The following TSPAN10 variants were observed in gnomAD, a reference collection of about 807,000 sequenced individuals.
TSPAN10 encodes tetraspanin 10, also known as tetraspanin-10.
A neutral mutation model predicts 15.0 loss-of-function variants in TSPAN10; 11 were observed. The ratio of observed to expected loss-of-function variants is 0.73; its 90% CI spans 0.46 to 1.21. The LOEUF (loss-of-function observed/expected upper bound fraction) is 1.21. Among genes scored for constraint, TSPAN10 ranks in the 50% most tolerant of loss-of-function variants. The pLI is 0.00. For missense variants in TSPAN10, 486 were observed against 470.6 expected, an observed-to-expected ratio of 1.03 and a Z score of -0.30; for synonymous variants, 241 against 226.2, an observed-to-expected ratio of 1.07 and a Z score of -0.59.
intron 2 of TSPAN10, chr17:81,647,567 G>T (rs1404499115): frequency 3.4e-6 from 2 of 580,498 alleles, no homozygotes; most frequent in Non-Finnish European, 3.3e-6. Flanking sequence ...TTCTCAATGA[G>T]CTCAGCAGCC....
chr17:81,640,867 T>C (rs1001079004), upstream of TSPAN10, among the ~76,000 whole-genome samples: 1 of 152,104 alleles, frequency 6.6e-6, no homozygotes, highest in Admixed American at 6.6e-5. Flanking sequence ...GATGATCGTT[T>C]CATTAAAAGA....
chr17:81,647,984 C>T (rs769818672), exon 3 of TSPAN10: 4 of 1,611,380 alleles, frequency 2.5e-6, no homozygotes, highest in Non-Finnish European at 3.4e-6. Flanking sequence ...GATGGAGCCT[C>T]TGTCAACGAC....
chr17:81,645,435 C>A (rs768196633), exon 2 of TSPAN10: 6 of 1,602,218 alleles, frequency 3.7e-6, no homozygotes, highest in Non-Finnish European at 1.7e-6. Context: ...TCCTTGCCTT[C>A]CTGGTGCTTG....
intron 2 of TSPAN10, chr17:81,647,552 CT>C (rs764914853): frequency 1.8e-6 from 1 of 555,604 alleles, no homozygotes; most frequent in Non-Finnish European, 3.4e-6. Flanking sequence ...TGCTCCAACT[CT>C]ACCTTCTCAA....
chr17:81,643,610 C>CAAAA, intron 1 of TSPAN10, among the ~76,000 whole-genome samples: 1 of 15,132 alleles, frequency 6.6e-5, no homozygotes, highest in Non-Finnish European at 9.3e-5. Context: ...GACTCCGTCT[C>CAAAA]AAAAAAAAAA....
chr17:81,647,474 C>T (rs758631012), intron 2 of TSPAN10: 2 of 470,382 alleles, frequency 4.3e-6, no homozygotes, highest in South Asian at 1.5e-5. Context: ...CTCTCAAGCC[C>T]TTGCTCTTCC....
chr17:81,639,348 C>G (rs1319176157), upstream of TSPAN10, among the ~76,000 whole-genome samples: 3 of 151,602 alleles, frequency 2.0e-5, no homozygotes, highest in Non-Finnish European at 4.4e-5. Flanking sequence ...GCTGAGATTA[C>G]AAGCGTGCGC....
chr17:81,637,596 C>T (rs559868083), upstream of TSPAN10: 78 of 521,088 alleles, frequency 1.5e-4, no homozygotes, highest in Non-Finnish European at 2.4e-4. Context: ...GTCAAAAGTT[C>T]GAGACCAGCC....
chr17:81,642,213 A>T (rs1274614699), upstream of TSPAN10: 2 of 545,816 alleles, frequency 3.7e-6, no homozygotes, highest in Non-Finnish European at 6.6e-6. Context: ...TAAGCTCTAA[A>T]ATGTGATTCT....
intron 1 of TSPAN10, among the ~76,000 whole-genome samples, chr17:81,643,399 T>C (rs1374419767): frequency 4.1e-5 from 4 of 96,612 alleles, no homozygotes; most frequent in African/African-American, 4.8e-5. Flanking sequence ...ATCACGAGGT[T>C]AGGAGATCGA....
chr17:81,641,337 C>T (rs2036175708), upstream of TSPAN10, among the ~76,000 whole-genome samples: 1 of 152,036 alleles, frequency 6.6e-6, no homozygotes, highest in South Asian at 2.1e-4. Flanking sequence ...CAGCTCTGGT[C>T]CTCGCCCCGA....
At chr17:81,644,221 T>C (rs2036212500) in intron 1 of TSPAN10, among the ~76,000 whole-genome samples, 1 of 152,110 alleles carries the variant, frequency 6.6e-6, no homozygotes, top group African/African-American at 2.4e-5. Context: ...GGGCTGCCTC[T>C]TCCCCCACAG....
intron 1 of TSPAN10, among the ~76,000 whole-genome samples, chr17:81,644,006 ATTTTTT>A (rs1322175344): frequency 8.1e-6 from 1 of 124,140 alleles, no homozygotes; most frequent in African/African-American, 3.1e-5. Context: ...CGCCCGGCTA[ATTTTTT>A]TTTTTTTTTT....
At chr17:81,647,539 C>T (rs1231098111) in intron 2 of TSPAN10, 1 of 534,064 alleles carries the variant, frequency 1.9e-6, no homozygotes, top group East Asian at 4.6e-5. Flanking sequence ...ATCCACCCTC[C>T]CCTGCTCCAA....
upstream of TSPAN10, among the ~76,000 whole-genome samples, chr17:81,640,560 T>G (rs1046007033): frequency 2.0e-5 from 3 of 151,984 alleles, no homozygotes; most frequent in African/African-American, 7.3e-5. Context: ...GCAATTCCCC[T>G]GCCTCAGCCT....
At chr17:81,648,133 C>T (rs373323184) in exon 3 of TSPAN10, 1 of 1,541,732 alleles carries the variant, frequency 6.5e-7, no homozygotes, top group South Asian at 1.2e-5. Flanking sequence ...CGCGGTGGTG[C>T]TGCTGCAGGG....
Position 81,642,874 on chromosome 17 carries a change from G to A in TSPAN10, c.36+426G>A, listed in dbSNP as rs558177668. 7.9e-5 allele frequency among the ~76,000 whole-genome samples: 12 copies of A among 152,106 alleles called. No individual in the cohort carries two copies. In the East Asian group the frequency reaches 1.4e-3, roughly 17 times the overall value. ...TGATAAATAACCCTCCTCTGGGGCC[G>A]GGCACAGTGGCTCACTCCTGTAATC... On this transcript the variant is annotated intron_variant, in intron 1 of 2. Coordinates refer to ENST00000611590, the Ensembl canonical transcript of TSPAN10.
exon 1 of TSPAN10, chr17:81,637,396 T>C: frequency 2.9e-6 from 2 of 700,722 alleles, no homozygotes; most frequent in South Asian, 3.0e-5. Flanking sequence ...CAAACTTCTC[T>C]CCATGCACAG....
chr17:81,648,714 G>A (rs2036296581), downstream of TSPAN10: 1 of 159,574 alleles, frequency 6.3e-6, no homozygotes, highest in South Asian at 2.0e-4. Flanking sequence ...GTTTTATTCG[G>A]GTGTATCATT....
Sources: gnomAD v4.1 joint callset for allele counts (sites outside exome capture counted in the v4.1 genomes callset) on GRCh38, gnomAD v4.1.1 for gene constraint, MANE v1.5 for transcripts, NCBI Gene and HGNC (gene_info 2026-07-23, HGNC 2026-07-21) for gene names.